The following ARNT2 variants were observed in gnomAD, a reference collection of about 807,000 sequenced individuals.
The protein encoded by ARNT2 is aryl hydrocarbon receptor nuclear translocator 2.
A neutral mutation model predicts 91.7 loss-of-function variants in ARNT2; 36 were observed. The ratio of observed to expected loss-of-function variants is 0.39; its 90% confidence interval spans 0.30 to 0.52. The LOEUF (loss-of-function observed/expected upper bound fraction) is 0.52. ARNT2 is among the 20% of genes least tolerant of loss of function. The probability of loss-of-function intolerance (pLI) is 0.72; values close to 1 mark genes in which losing one functional copy is unlikely to be tolerated. For missense variants in ARNT2, 775 were observed against 939.3 expected (o/e 0.83, Z 2.29); for synonymous variants, 365 against 347.1 (o/e 1.05, Z -0.57).
At chr15:80,560,055 C>T (rs113989623) in intron 11 of ARNT2, 2,392 of 152,510 alleles carry the variant, frequency 0.016, 55 homozygotes, top group African/African-American at 0.055. Context: ...ACTTTACCCA[C>T]CTTCCAACTG....
intron 15 of ARNT2, 62 bp downstream of exon 15, chr15:80,577,027 G>A: frequency 6.6e-7 from 1 of 1,523,876 alleles, no homozygotes; most frequent in South Asian, 1.1e-5. Context: ...AAAGCCCTGG[G>A]TCTCAGAGCA....
intron 5 of ARNT2, 195 bp downstream of exon 5, chr15:80,475,418 G>C: frequency 5.8e-6 from 3 of 516,030 alleles, no homozygotes; most frequent in Non-Finnish European, 1.0e-5. Flanking sequence ...AAATTTGCCA[G>C]GCGTGGTGGT....
chr15:80,421,240 T>C (rs1895856301), intron 1 of ARNT2, among the ~76,000 whole-genome samples: 1 of 152,176 alleles, frequency 6.6e-6, no homozygotes, highest in South Asian at 2.1e-4. Context: ...ATAATGGACA[T>C]TGGAGACTCA....
intron 17 of ARNT2, among the ~76,000 whole-genome samples, chr15:80,586,840 C>CAAAA (rs10679933): frequency 6.2e-5 from 7 of 113,098 alleles, no homozygotes; most frequent in African/African-American, 2.0e-4. Context: ...GACTCCATTT[C>CAAAA]AAAAAAAAAA....
Position 80,594,807 on chromosome 15 carries a change from C to G in ARNT2, c.*1109C>G, listed in dbSNP as rs989621989. ...AGGGTAGGACGCCCAGGCCTTCTCACATGGGCACCATGAAACACTTTCTTC... is the reference window on the plus strand; with the variant it reads ...AGGGTAGGACGCCCAGGCCTTCTCAGATGGGCACCATGAAACACTTTCTTC... On this transcript the variant is annotated 3_prime_UTR_variant, in exon 19 of 19. Transcript: ENST00000303329. The G allele has an allele frequency of 6.6e-6, 1 of 152,298 alleles. No individual in the cohort carries two copies. Among genetic ancestry groups the G allele is most frequent in the Non-Finnish European group, 1.5e-5 (1 of 68,120 alleles). The allele number at this position is 152,298 out of a possible 1,614,324, so 9.4% of individuals were successfully genotyped here. A position where few individuals can be genotyped will look rare whatever the true frequency, so the allele number is the denominator to read the frequency against.
chr15:80,549,486 G>A (rs1289992548), intron 8 of ARNT2, among the ~76,000 whole-genome samples: 1 of 151,882 alleles, frequency 6.6e-6, no homozygotes, highest in Non-Finnish European at 1.5e-5. Context: ...CCAAATACAG[G>A]GAACTCTTAA....
chr15:80,596,956 T>G lies in ARNT2; in HGVS notation c.*3258T>G, dbSNP rs965240946. 4 of 352,004 alleles carry G rather than the reference T, an allele frequency of 1.1e-5. No homozygotes were observed. In the Admixed American group the frequency reaches 1.5e-4, roughly 13 times the overall value. 21.8% of individuals were successfully genotyped at this position (352,004 alleles called of 1,614,324 possible). On this transcript the variant is annotated 3_prime_UTR_variant, in exon 19 of 19. Transcript: ENST00000303329. ...TATTTTTAGCTTTGGCTTCAGGGAGTGACAGCCATCACAAATAGCCACATT... is the reference window on the plus strand; with the variant it reads ...TATTTTTAGCTTTGGCTTCAGGGAGGGACAGCCATCACAAATAGCCACATT...
chr15:80,434,979 G>A (rs1215692807), intron 1 of ARNT2, among the ~76,000 whole-genome samples: 1 of 152,104 alleles, frequency 6.6e-6, no homozygotes, highest in Admixed American at 6.5e-5. Context: ...TCCTGCTCCT[G>A]AGAGGCAGCA....
At chr15:80,481,376 G>A (rs1490231187) in intron 5 of ARNT2, among the ~76,000 whole-genome samples, 2 of 152,162 alleles carry the variant, frequency 1.3e-5, no homozygotes, top group African/African-American at 2.4e-5. Flanking sequence ...GAGAGAGGAC[G>A]TCTGTGGGAC....
At chr15:80,429,346 T>C (rs138016367) in intron 1 of ARNT2, among the ~76,000 whole-genome samples, 1,704 of 152,248 alleles carry the variant, frequency 0.011, 10 homozygotes, top group Middle Eastern at 0.024. Context: ...AATGATTTAA[T>C]CTCTCGCACC....
rs750291217 is a variant in ARNT2 at position 80,552,632 on chromosome 15, C to T, written c.955-8C>T. On this transcript the variant is annotated splice_polypyrimidine_tract_variant and splice_region_variant and intron_variant, in intron 9 of 18. Transcript: ENST00000303329. ...CACCACCTCAACTGTGGATTTTCCC[C>T]ATCCCAGGTGACCAGCTCTCCTGTA... The T allele has an allele frequency of 6.2e-6, 10 of 1,613,372 alleles. No individual in the cohort carries two copies. The Admixed American group carries it at 6.7e-5, about 11-fold the overall frequency.
intron 4 of ARNT2, among the ~76,000 whole-genome samples, chr15:80,471,438 G>A (rs1896729669): frequency 6.6e-6 from 1 of 152,172 alleles, no homozygotes; most frequent in South Asian, 2.1e-4. Context: ...ACTGGGCTTA[G>A]GATCTGGGTG....
chr15:80,519,080 A>C (rs1897490037), intron 8 of ARNT2, among the ~76,000 whole-genome samples: 1 of 152,204 alleles, frequency 6.6e-6, no homozygotes. Context: ...TCATTCATTC[A>C]TTCAACACGT....
At chr15:80,497,629 T>C (rs2141415957) in intron 5 of ARNT2, among the ~76,000 whole-genome samples, 1 of 152,340 alleles carries the variant, frequency 6.6e-6, no homozygotes, top group South Asian at 2.1e-4. Context: ...AGTTGCTACA[T>C]GGCCATGGAA....
chr15:80,576,755 T>C, intron 14 of ARNT2, 111 bp from the exon 15 acceptor site: 2 of 1,125,800 alleles, frequency 1.8e-6, no homozygotes, highest in Non-Finnish European at 2.6e-6. Context: ...CTGCCCTGAC[T>C]TGTGTCCTCC....
At chr15:80,418,308 C>A (rs981237520) in intron 1 of ARNT2, among the ~76,000 whole-genome samples, 5 of 152,154 alleles carry the variant, frequency 3.3e-5, no homozygotes, top group Admixed American at 1.3e-4. Context: ...AGCCTCTAGG[C>A]CCTGCCTCTG....
chr15:80,571,866 C>T (rs1221525187), intron 12 of ARNT2, among the ~76,000 whole-genome samples: 1 of 152,206 alleles, frequency 6.6e-6, no homozygotes, highest in Non-Finnish European at 1.5e-5. Context: ...TAGCCACTTG[C>T]CAGTTGGCCA....
At chr15:80,573,267 T>C (rs921279200) in intron 12 of ARNT2, among the ~76,000 whole-genome samples, 1 of 152,258 alleles carries the variant, frequency 6.6e-6, no homozygotes, top group African/African-American at 2.4e-5. Context: ...TTCCCTGACT[T>C]GTTTATTGTA....
At chr15:80,551,009 T>G (rs1010415596) in intron 8 of ARNT2, 190 bp from the exon 9 acceptor site, 1 of 571,278 alleles carries the variant, frequency 1.8e-6, no homozygotes. Context: ...ACCATAAAAT[T>G]ATCAAAAGAC....
Sources: gnomAD v4.1 joint callset for allele counts (sites outside exome capture counted in the v4.1 genomes callset) on GRCh38, gnomAD v4.1.1 for gene constraint, MANE v1.5 for transcripts, NCBI Gene and HGNC (gene_info 2026-07-23, HGNC 2026-07-21) for gene names.